The following ARL15 variants were observed in gnomAD, a reference collection of about 807,000 sequenced individuals.
ARL15 encodes the protein ARF like GTPase 15.
ARL15 carries 19 observed loss-of-function variants against 25.2 expected under a neutral mutation model. The ratio of observed to expected loss-of-function variants is 0.75; its 90% CI spans 0.53 to 1.10. ARL15 has a LOEUF of 1.10. Ranked by LOEUF, ARL15 falls within the 50% of genes least tolerant of loss-of-function variation. ARL15 has a pLI of 0.00. For synonymous variants in ARL15, 94 were observed against 86.8 expected, an observed-to-expected ratio of 1.08 and a Z score of -0.46; for missense variants, 220 against 246.0, an observed-to-expected ratio of 0.89 and a Z score of 0.71.
At chr5:54,101,693 C>T (rs1440744150) in intron 4 of ARL15, among the ~76,000 whole-genome samples, 1 of 152,036 alleles carries the variant, frequency 6.6e-6, no homozygotes, top group Admixed American at 6.6e-5. Flanking sequence ...CAGTAACAGG[C>T]CATTCATTAC....
intron 1 of ARL15, among the ~76,000 whole-genome samples, chr5:54,206,036 T>G (rs74593815): frequency 0.014 from 2,095 of 152,220 alleles, 47 homozygotes; most frequent in African/African-American, 0.047. Flanking sequence ...CTAATCTAGA[T>G]TAATGATACC....
chr5:54,052,642 G>A (rs1258389927), intron 4 of ARL15, among the ~76,000 whole-genome samples: 1 of 152,124 alleles, frequency 6.6e-6, no homozygotes, highest in East Asian at 1.9e-4. Flanking sequence ...TTATGGGAAT[G>A]AATTAGAGCT....
intron 4 of ARL15, among the ~76,000 whole-genome samples, chr5:54,067,661 C>A (rs1221997754): frequency 6.6e-6 from 1 of 152,168 alleles, no homozygotes; most frequent in Non-Finnish European, 1.5e-5. Flanking sequence ...ATAGCCAGAG[C>A]AATGAACAAT....
intron 4 of ARL15, among the ~76,000 whole-genome samples, chr5:54,013,343 C>A (rs1318956849): frequency 6.6e-6 from 1 of 152,204 alleles, no homozygotes; most frequent in Non-Finnish European, 1.5e-5. Flanking sequence ...CATCTTGCTT[C>A]TAACCTCACA....
chr5:54,124,311 T>C (rs893004099), intron 3 of ARL15, among the ~76,000 whole-genome samples: 1 of 152,224 alleles, frequency 6.6e-6, no homozygotes. Context: ...GCAGCACATA[T>C]AAAAGTATGT....
At chr5:54,217,717 C>A (rs565670692) in intron 1 of ARL15, among the ~76,000 whole-genome samples, 1 of 151,920 alleles carries the variant, frequency 6.6e-6, no homozygotes. Context: ...ATGTTACCCT[C>A]GGTAGAATTA....
chr5:54,112,566 C>T (rs1752773052), intron 4 of ARL15, among the ~76,000 whole-genome samples: 1 of 152,176 alleles, frequency 6.6e-6, no homozygotes, highest in Non-Finnish European at 1.5e-5. Flanking sequence ...ATTCACATAT[C>T]TCATTACTGC....
chr5:54,193,984 T>C (rs1228946673), intron 1 of ARL15, among the ~76,000 whole-genome samples: 1 of 152,196 alleles, frequency 6.6e-6, no homozygotes, highest in Non-Finnish European at 1.5e-5. Flanking sequence ...AGTTATTTAA[T>C]AACTGTAAAT....
intron 4 of ARL15, among the ~76,000 whole-genome samples, chr5:54,060,149 A>AAAAAAAAC: frequency 6.6e-6 from 1 of 150,654 alleles, no homozygotes; most frequent in African/African-American, 2.5e-5. Context: ...AAAAAAAAAA[A>AAAAAAAAC]AAACCCCGGG....
chr5:54,138,673 T>C (rs1056458737), intron 3 of ARL15, among the ~76,000 whole-genome samples: 1 of 151,970 alleles, frequency 6.6e-6, no homozygotes, highest in Non-Finnish European at 1.5e-5. Flanking sequence ...AATAAATAAA[T>C]GGGACCTAAT....
At chr5:54,304,997 C>T (rs1758718962) in intron 1 of ARL15, among the ~76,000 whole-genome samples, 1 of 152,066 alleles carries the variant, frequency 6.6e-6, no homozygotes, top group Non-Finnish European at 1.5e-5. Context: ...TCATGGGTTT[C>T]TATTGTTGGT....
intron 4 of ARL15, among the ~76,000 whole-genome samples, chr5:54,064,738 A>C: frequency 6.6e-6 from 1 of 152,194 alleles, no homozygotes; most frequent in East Asian, 1.9e-4. Flanking sequence ...AGTAAAAAAA[A>C]AAAAACATTT....
In ARL15 at chr5:54,114,103, A is replaced by G. The variant is rs114236966; in HGVS notation, c.254-693T>C. On this transcript the variant is annotated intron_variant, in intron 3 of 4. Transcript: ENST00000504924. ...AAAACAAACAAATAAACAAACAAAC[A>G]AACATATGGAGAGGCTGGGCGCGGT... is the stretch of plus-strand genomic sequence containing the variant. 2.8e-3 allele frequency among the ~76,000 whole-genome samples: 429 copies of G among 152,220 alleles called. 2 individuals are homozygous for G. Among genetic ancestry groups the G allele is most frequent in the African/African-American group, 0.01 (420 of 41,538 alleles).
chr5:54,098,353 G>A (rs773201529), intron 4 of ARL15, among the ~76,000 whole-genome samples: 22 of 152,050 alleles, frequency 1.4e-4, no homozygotes, highest in Non-Finnish European at 2.8e-4. Context: ...TTTTCACACC[G>A]TTCGATCCCC....
intron 4 of ARL15, among the ~76,000 whole-genome samples, chr5:54,089,093 G>A (rs535263164): frequency 6.6e-6 from 1 of 152,164 alleles, no homozygotes; most frequent in Non-Finnish European, 1.5e-5. Flanking sequence ...TCAAAGTGCT[G>A]TAAAAAGATA....
intron 1 of ARL15, among the ~76,000 whole-genome samples, chr5:54,174,319 C>T (rs187228250): frequency 8.9e-4 from 135 of 152,200 alleles, no homozygotes; most frequent in Admixed American, 2.9e-3. Flanking sequence ...AATAAGAAAC[C>T]GCTGACTTTT....
intron 4 of ARL15, among the ~76,000 whole-genome samples, chr5:54,008,755 G>C (rs1035637147): frequency 6.6e-6 from 1 of 152,150 alleles, no homozygotes; most frequent in Non-Finnish European, 1.5e-5. Context: ...CAAAATGTTT[G>C]TAAACTGCTC....
intron 4 of ARL15, among the ~76,000 whole-genome samples, chr5:54,086,692 C>T (rs1197925360): frequency 6.6e-6 from 1 of 152,028 alleles, no homozygotes; most frequent in Non-Finnish European, 1.5e-5. Context: ...AAAAAATACA[C>T]ACTGGTCCGC....
At chr5:53,990,100 C>T (rs762252045) in intron 4 of ARL15, among the ~76,000 whole-genome samples, 6 of 152,120 alleles carry the variant, frequency 3.9e-5, no homozygotes, top group Admixed American at 2.0e-4. Context: ...TGGTGGCACA[C>T]GCCTGTGGTC....
Sources: allele counts gnomAD v4.1 joint callset (sites outside exome capture counted in the v4.1 genomes callset), GRCh38; gene constraint gnomAD v4.1.1; transcripts MANE v1.5; gene names NCBI Gene and HGNC (gene_info 2026-07-23, HGNC 2026-07-21).